Variants in TSPAN11 observed in about 807,000 individuals in gnomAD.
TSPAN11 encodes the protein tetraspanin-11.
Under a neutral mutation model 32.9 loss-of-function variants are expected in TSPAN11, and 29 were observed. That is an observed-to-expected ratio of 0.88 (90% CI 0.66 to 1.20). TSPAN11 has a LOEUF of 1.20. TSPAN11 is among the 50% of genes most tolerant of loss of function. The pLI is 0.00. For missense variants in TSPAN11, 283 were observed against 329.1 expected, an observed-to-expected ratio of 0.86 and a Z score of 1.08; for synonymous variants, 140 against 141.3, an observed-to-expected ratio of 0.99 and a Z score of 0.07.
At chr12:30,984,880 GAA>G (rs1939170530) in intron 7 of TSPAN11, among the ~76,000 whole-genome samples, 1 of 152,156 alleles carries the variant, frequency 6.6e-6, no homozygotes, top group Admixed American at 6.6e-5. Flanking sequence ...TTACAGATCA[GAA>G]AGTTGAGACC....
chr12:30,934,070 G>C (rs1937991846), intron 1 of TSPAN11, among the ~76,000 whole-genome samples: 1 of 152,200 alleles, frequency 6.6e-6, no homozygotes, highest in Non-Finnish European at 1.5e-5. Context: ...CCGGCTCTCT[G>C]GGGGACTGTG....
chr12:30,965,968 G>A (rs759244668), intron 3 of TSPAN11, among the ~76,000 whole-genome samples: 18 of 151,966 alleles, frequency 1.2e-4, no homozygotes, highest in Non-Finnish European at 1.9e-4. Context: ...CTTTGAATGC[G>A]GCCCAACACA....
chr12:30,951,862 A>G (rs1481231570), intron 1 of TSPAN11, among the ~76,000 whole-genome samples: 1 of 152,218 alleles, frequency 6.6e-6, no homozygotes, highest in Non-Finnish European at 1.5e-5. Context: ...AAACTCAACT[A>G]CAGATTAGCC....
chr12:30,985,301 G>A (rs1230481804), intron 7 of TSPAN11, among the ~76,000 whole-genome samples: 1 of 152,008 alleles, frequency 6.6e-6, no homozygotes, highest in Admixed American at 6.6e-5. Flanking sequence ...ATCCATGTAA[G>A]TCACTTGGCT....
At chr12:31,004,641 C>G in the TSPAN11 span, among the ~76,000 whole-genome samples, 1 of 152,134 alleles carries the variant, frequency 6.6e-6, no homozygotes, top group Admixed American at 6.5e-5. Context: ...GTAGCATCCA[C>G]ACTAGAGAGA....
At chr12:30,964,919 G>T (rs1190698808) in intron 3 of TSPAN11, among the ~76,000 whole-genome samples, 1 of 152,164 alleles carries the variant, frequency 6.6e-6, no homozygotes, top group Non-Finnish European at 1.5e-5. Context: ...TTTGGGTTTT[G>T]AGCTCTTTTT....
intron 7 of TSPAN11, among the ~76,000 whole-genome samples, chr12:30,986,106 G>A (rs891102312): frequency 6.6e-6 from 1 of 152,108 alleles, no homozygotes; most frequent in Non-Finnish European, 1.5e-5. Context: ...CAGGGTCATA[G>A]TTTACCTCCT....
intron 3 of TSPAN11, 45 bp downstream of exon 3, chr12:30,964,062 C>A: frequency 6.4e-7 from 1 of 1,573,620 alleles, no homozygotes; most frequent in Non-Finnish European, 8.6e-7. Context: ...AGCCCTGCAC[C>A]ACCCAGTCAG....
At chr12:30,951,166 C>T (rs769407652) in intron 1 of TSPAN11, among the ~76,000 whole-genome samples, 2 of 152,182 alleles carry the variant, frequency 1.3e-5, no homozygotes, top group Non-Finnish European at 2.9e-5. Flanking sequence ...GATTCTCATT[C>T]TTTTCAAATG....
intron 1 of TSPAN11, among the ~76,000 whole-genome samples, chr12:30,944,119 T>C (rs1468392450): frequency 1.3e-5 from 2 of 152,078 alleles, no homozygotes; most frequent in African/African-American, 2.4e-5. Context: ...TTTTTTTAAA[T>C]GACAGATAAA....
At chr12:30,964,321 T>C (rs1315411431) in intron 3 of TSPAN11, among the ~76,000 whole-genome samples, 1 of 151,872 alleles carries the variant, frequency 6.6e-6, no homozygotes, top group African/African-American at 2.4e-5. Context: ...CTATTCTTCC[T>C]GGTCCTCTCC....
At chr12:30,991,100 C>A (rs991039466) in intron 7 of TSPAN11, among the ~76,000 whole-genome samples, 3 of 152,190 alleles carry the variant, frequency 2.0e-5, no homozygotes, top group African/African-American at 7.2e-5. Flanking sequence ...TCCTCCCAGG[C>A]CTGTGTCTGC....
In TSPAN11 at chr12:30,978,605, G is replaced by T. The variant is rs533960794; in HGVS notation, c.321G>T (p.Ala107=). The T allele has an allele frequency of 6.2e-7, 1 of 1,614,212 alleles. No individual in the cohort carries two copies. Among genetic ancestry groups the T allele is most frequent in the Non-Finnish European group, 8.5e-7 (1 of 1,180,044 alleles). Residue 107 remains alanine (A), a synonymous_variant, in exon 4 of 8, where the codon GCG becomes GCT. Coordinates refer to ENST00000546076, the MANE Select transcript of TSPAN11 (RefSeq NM_001370302.1). ...TCATCTTCCTGGTTGAGCTGGTGGC[G>T]GGAGTCCTGGCCCATGTGTATTACC... ...LLVIFLVELV[A]GVLAHVYYQR...
intron 2 of TSPAN11, among the ~76,000 whole-genome samples, chr12:30,957,717 T>TTCCC (rs1938516935): frequency 1.6e-5 from 1 of 61,030 alleles, no homozygotes; most frequent in African/African-American, 7.9e-5. Flanking sequence ...CCTTCCTTCC[T>TTCCC]TCCTTCCTTC....
At chr12:30,934,073 G>C (rs1937991965) in intron 1 of TSPAN11, among the ~76,000 whole-genome samples, 1 of 152,192 alleles carries the variant, frequency 6.6e-6, no homozygotes, top group African/African-American at 2.4e-5. Flanking sequence ...GCTCTCTGGG[G>C]GACTGTGGAT....
chr12:30,959,418 C>G (rs11051181), intron 2 of TSPAN11, among the ~76,000 whole-genome samples: 38,949 of 151,892 alleles, frequency 0.26, 5,268 homozygotes, highest in African/African-American at 0.35. Flanking sequence ...AAAGAGAGAG[C>G]CTCCCTGAGG....
chr12:31,014,587 C>T, the TSPAN11 span, among the ~76,000 whole-genome samples: 1 of 152,136 alleles, frequency 6.6e-6, no homozygotes, highest in Non-Finnish European at 1.5e-5. Flanking sequence ...TAAAATTGCA[C>T]AACTGGGAGT....
chr12:30,965,831 G>A (rs908546577), intron 3 of TSPAN11, among the ~76,000 whole-genome samples: 13 of 152,068 alleles, frequency 8.5e-5, no homozygotes, highest in Admixed American at 3.9e-4. Flanking sequence ...TTAGGTGATG[G>A]TCAGTCAGGT....
intron 2 of TSPAN11, among the ~76,000 whole-genome samples, chr12:30,959,490 G>A (rs965498865): frequency 1.3e-5 from 2 of 152,086 alleles, no homozygotes; most frequent in South Asian, 2.1e-4. Flanking sequence ...GCTTGGACTC[G>A]GACACCGCGC....
Sources: allele counts gnomAD v4.1 joint callset (sites outside exome capture counted in the v4.1 genomes callset), GRCh38; gene constraint gnomAD v4.1.1; transcripts MANE v1.5; gene names NCBI Gene and HGNC (gene_info 2026-07-23, HGNC 2026-07-21).